The following LARGE1 variants were observed in gnomAD, a reference collection of about 807,000 sequenced individuals.
LARGE1 encodes the protein xylosyl- and glucuronyltransferase LARGE1.
A neutral mutation model predicts 87.6 loss-of-function variants in LARGE1; 43 were observed. The observed-to-expected ratio is 0.49, with a 90% confidence interval of 0.38 to 0.63. The LOEUF (loss-of-function observed/expected upper bound fraction) is 0.63, where lower values mean the gene tolerates loss of function less well. LARGE1 is among the 30% of genes least tolerant of loss of function. LARGE1 has a pLI of 0.00. For synonymous variants in LARGE1, 434 were observed against 394.6 expected (o/e 1.10, Z -1.18); for missense variants, 802 against 1,000.2 (o/e 0.80, Z 2.67).
At chr22:33,816,678 A>ATG (rs1569457171) in intron 1 of LARGE1, among the ~76,000 whole-genome samples, 4 of 49,582 alleles carry the variant, frequency 8.1e-5, no homozygotes, top group South Asian at 7.3e-4. Flanking sequence ...ATGGATGGAT[A>ATG]GATAGATAGA....
At chr22:33,494,474 T>C (rs1012358019) in intron 6 of LARGE1, among the ~76,000 whole-genome samples, 2 of 152,246 alleles carry the variant, frequency 1.3e-5, no homozygotes, top group Non-Finnish European at 2.9e-5. Context: ...GTGCTCAAAA[T>C]GGTAGAAGAA....
Position 33,706,532 on chromosome 22 carries a change from TC to T in LARGE1, c.106+54838del, listed in dbSNP as rs200983734. ...CAATGTGTTACCTGGGGTAAGTCAG[TC>T]TTGGTCACAGGACAACTAATAAAAT... On this transcript the variant is annotated intron_variant, in intron 2 of 14. Coordinates refer to ENST00000397394, the MANE Select transcript of LARGE1 (RefSeq NM_133642.5). Among the ~76,000 whole-genome samples the T allele has an allele frequency of 3.3e-5, 5 of 152,278 alleles. No homozygotes were observed. The East Asian group carries it at 9.7e-4, about 29-fold the overall frequency.
chr22:33,389,592 C>T lies in LARGE1; in HGVS notation c.893-5288G>A, dbSNP rs535399207. ...GGGTGCGGTGGCTCATGCCTGTAAT[C>T]CCAGCACTTTGGGAGGCTGAGGCTG... On this transcript the variant is annotated intron_variant, in intron 7 of 14. Transcript: ENST00000397394. 2.3e-4 allele frequency among the ~76,000 whole-genome samples: 35 copies of T among 152,298 alleles called. 2 individuals carry two copies. In the South Asian group the frequency reaches 2.9e-3, roughly 13 times the overall value.
At chr22:33,294,846 C>T (rs1192307359) in intron 12 of LARGE1, among the ~76,000 whole-genome samples, 1 of 152,140 alleles carries the variant, frequency 6.6e-6, no homozygotes, top group Non-Finnish European at 1.5e-5. Flanking sequence ...TGTAACTGCC[C>T]TATGCGGTAG....
intron 6 of LARGE1, among the ~76,000 whole-genome samples, chr22:33,435,261 C>CAAAGTG (rs1302992034): frequency 1.3e-5 from 2 of 152,180 alleles, no homozygotes; most frequent in African/African-American, 4.8e-5. Flanking sequence ...CGCAGCCTCC[C>CAAAGTG]AAAGTGCTAG....
At chr22:33,628,645 T>C (rs1447625194) in intron 3 of LARGE1, among the ~76,000 whole-genome samples, 1 of 152,106 alleles carries the variant, frequency 6.6e-6, no homozygotes, top group African/African-American at 2.4e-5. Context: ...TGGTGGTACA[T>C]CAGAAACAGA....
At chr22:33,076,931 C>T in the LARGE1 span, among the ~76,000 whole-genome samples, 4 of 152,190 alleles carry the variant, frequency 2.6e-5, no homozygotes, top group East Asian at 3.9e-4. Flanking sequence ...ATTTAATGCT[C>T]AAGTGGGAGG....
At chr22:33,451,916 C>A (rs1450344294) in intron 6 of LARGE1, among the ~76,000 whole-genome samples, 4 of 152,178 alleles carry the variant, frequency 2.6e-5, no homozygotes, top group Non-Finnish European at 5.9e-5. Flanking sequence ...TTATCAGTGA[C>A]AACATACAAC....
At chr22:33,437,085 G>T (rs2067298097) in intron 6 of LARGE1, among the ~76,000 whole-genome samples, 1 of 152,134 alleles carries the variant, frequency 6.6e-6, no homozygotes, top group Non-Finnish European at 1.5e-5. Context: ...TGGCCACGGG[G>T]TCTAGTAATT....
chr22:33,779,061 G>A (rs1279462751), intron 1 of LARGE1, among the ~76,000 whole-genome samples: 1 of 152,124 alleles, frequency 6.6e-6, no homozygotes, highest in Non-Finnish European at 1.5e-5. Context: ...TTGGGCCACC[G>A]TGAATAGTTT....
intron 7 of LARGE1, among the ~76,000 whole-genome samples, chr22:33,407,479 C>G (rs928655704): frequency 3.3e-5 from 5 of 152,098 alleles, no homozygotes; most frequent in Admixed American, 1.3e-4. Context: ...TCAGGTAATT[C>G]TATCTTTCTT....
At chr22:33,234,533 CTTTGTTTTGT>C (rs140006995) in intron 11 of LARGE1, among the ~76,000 whole-genome samples, 3 of 151,568 alleles carry the variant, frequency 2.0e-5, no homozygotes, top group African/African-American at 4.9e-5. Flanking sequence ...TTTTTTGTTT[CTTTGTTTTGT>C]TTTGTTTTGT....
chr22:33,079,682 G>A, the LARGE1 span, among the ~76,000 whole-genome samples: 5 of 152,076 alleles, frequency 3.3e-5, no homozygotes, highest in African/African-American at 7.2e-5. Context: ...AACCCAGTTC[G>A]TTTAAGGAAA....
chr22:33,474,709 A>C (rs999467786), intron 6 of LARGE1, among the ~76,000 whole-genome samples: 2 of 152,190 alleles, frequency 1.3e-5, no homozygotes, highest in Non-Finnish European at 2.9e-5. Context: ...TAACTGGGAA[A>C]CAGTTCTCTT....
downstream of LARGE1, among the ~76,000 whole-genome samples, chr22:33,161,078 C>T (rs1922006109): frequency 6.6e-6 from 1 of 152,162 alleles, no homozygotes; most frequent in African/African-American, 2.4e-5. Flanking sequence ...AGGAAACTTA[C>T]AATCATGGAA....
intron 9 of LARGE1, among the ~76,000 whole-genome samples, chr22:33,339,959 C>A (rs541790076): frequency 1.3e-5 from 2 of 152,162 alleles, no homozygotes; most frequent in Admixed American, 6.5e-5. Flanking sequence ...AGCTACCACG[C>A]CTGGCCTAGA....
intron 2 of LARGE1, among the ~76,000 whole-genome samples, chr22:33,708,504 C>A (rs1209667077): frequency 6.6e-6 from 1 of 152,204 alleles, no homozygotes; most frequent in African/African-American, 2.4e-5. Flanking sequence ...GCGGCCCTAA[C>A]AGAATACCAG....
At chr22:33,836,797 G>GAAA (rs11411468) in intron 1 of LARGE1, among the ~76,000 whole-genome samples, 5 of 140,236 alleles carry the variant, frequency 3.6e-5, no homozygotes, top group African/African-American at 1.3e-4. Context: ...TACCTTACTG[G>GAAA]AAAAAAAAAA....
chr22:33,499,210 C>G (rs1257732526), intron 6 of LARGE1, among the ~76,000 whole-genome samples: 1 of 152,130 alleles, frequency 6.6e-6, no homozygotes, highest in East Asian at 1.9e-4. Flanking sequence ...GCTTTCTGCC[C>G]TGAACAGGAT....
Sources: allele counts gnomAD v4.1 joint callset (sites outside exome capture counted in the v4.1 genomes callset), GRCh38; gene constraint gnomAD v4.1.1; transcripts MANE v1.5; gene names NCBI Gene and HGNC (gene_info 2026-07-23, HGNC 2026-07-21).